The following BEST3 variants were observed in gnomAD, a reference collection of about 807,000 sequenced individuals.
The protein encoded by BEST3 is bestrophin 3.
Under a neutral mutation model 47.1 loss-of-function variants are expected in BEST3, and 50 were observed. That is an observed-to-expected ratio of 1.06 (90% CI 0.85 to 1.34). The LOEUF (loss-of-function observed/expected upper bound fraction) is 1.34. BEST3 is among the 40% of genes most tolerant of loss of function. BEST3 has a pLI of 0.00. For missense variants in BEST3, 765 were observed against 817.0 expected (o/e 0.94, Z 0.78); for synonymous variants, 282 against 298.8 (o/e 0.94, Z 0.58).
chr12:69,653,512 TA>T, downstream of BEST3: 2 of 567,020 alleles, frequency 3.5e-6, no homozygotes, highest in Non-Finnish European at 4.5e-6. Flanking sequence ...CTTACTTCTC[TA>T]AAGCCTGTTT....
Position 69,653,688 on chromosome 12 carries a change from T to C in BEST3, c.*1219A>G. The C allele has an allele frequency of 1.0e-6, 1 of 985,424 alleles. No individual in the cohort carries two copies. The highest frequency in any genetic ancestry group is 1.2e-6 in the Non-Finnish European group (1 of 829,944). 61.0% of individuals were successfully genotyped at this position (985,424 alleles called of 1,614,324 possible). A position where few individuals can be genotyped will look rare whatever the true frequency, so the allele number is the denominator to read the frequency against. On this transcript the variant is annotated 3_prime_UTR_variant, in exon 10 of 10. Coordinates refer to ENST00000330891, the MANE Select transcript of BEST3 (RefSeq NM_032735.3). ...TGACAAATGGTAAGTGCAGCAGTCG[T>C]AAGGCATGGCCTAGGCACTTGGGAG...
chr12:69,695,246 G>T (rs750971752), intron 2 of BEST3, among the ~76,000 whole-genome samples: 13 of 152,136 alleles, frequency 8.5e-5, no homozygotes, highest in Non-Finnish European at 1.8e-4. Flanking sequence ...CCAAACAGAT[G>T]AATTTGAATA....
Position 69,654,858 on chromosome 12 carries a change from G to T in BEST3, c.*49C>A. On this transcript the variant is annotated 3_prime_UTR_variant, in exon 10 of 10. Transcript: ENST00000330891. ...GTCCTGGGCCTAATATGCTGCTTTT[G>T]GGGAGGTAAGAATCTAGGCTAGAAC... 6.4e-7 allele frequency: 1 copy of T among 1,560,782 alleles called. No homozygotes were observed. The highest frequency in any genetic ancestry group is 8.7e-7 in the Non-Finnish European group (1 of 1,155,274).
chr12:69,693,283 G>T, intron 4 of BEST3, among the ~76,000 whole-genome samples: 1 of 134,622 alleles, frequency 7.4e-6, no homozygotes, highest in Non-Finnish European at 1.5e-5. Flanking sequence ...TTTTGAGACA[G>T]GTCTGGCTCT....
In BEST3 at chr12:69,693,678, T is replaced by G; in HGVS notation, c.477A>C (p.Glu159Asp). ...KRFPTMDHVV[E>D]AGFMTTDERK... ...AGGAAAAGCCATTCATAGTACCTGC[T>G]TCAACCACGTGGTCCATTGTGGGAA... Residue 159 changes from glutamate (E) to aspartate (D), a missense_variant, in exon 4 of 10, where the codon GAA (glutamate) becomes GAC (aspartate). Glu to Asp is a conservative substitution (Grantham distance 45). Coordinates refer to ENST00000330891, the MANE Select transcript of BEST3 (RefSeq NM_032735.3). 6.2e-7 allele frequency: 1 copy of G among 1,607,540 alleles called. No homozygotes were observed. Among genetic ancestry groups the G allele is most frequent in the East Asian group, 2.2e-5 (1 of 44,698 alleles).
At chr12:69,692,079 T>G (rs1177631348) in intron 4 of BEST3, among the ~76,000 whole-genome samples, 1 of 152,240 alleles carries the variant, frequency 6.6e-6, no homozygotes, top group East Asian at 1.9e-4. Context: ...ACTGGAGTTC[T>G]TTCTTCTCAA....
intron 9 of BEST3, chr12:69,660,279 C>T (rs1170487446): frequency 1.3e-5 from 2 of 152,144 alleles, no homozygotes; most frequent in African/African-American, 4.8e-5. Flanking sequence ...GAAGTGGTTT[C>T]CAAGTTATCA....
intron 4 of BEST3, among the ~76,000 whole-genome samples, chr12:69,690,057 G>A (rs769119795): frequency 6.6e-6 from 1 of 152,168 alleles, no homozygotes; most frequent in Non-Finnish European, 1.5e-5. Flanking sequence ...TTCCTAGGCC[G>A]TACATCCAAA....
Position 69,684,206 on chromosome 12 carries a change from T to C in BEST3, c.482-5313A>G, listed in dbSNP as rs185988428. ...GCCTACAGTTTCTCTTGCTATCGCT[T>C]TTTCTTCTGGCTGGCTCAGCTCTGC... On this transcript the variant is annotated intron_variant, in intron 4 of 9. Coordinates refer to ENST00000330891, the MANE Select transcript of BEST3 (RefSeq NM_032735.3). The C allele has an allele frequency of 7.9e-4, 161 of 202,780 alleles. 1 individual carries two copies. The highest frequency in any genetic ancestry group is 2.9e-3 in the African/African-American group (126 of 43,700). The allele number at this position is 202,780 out of a possible 1,614,324, so 12.6% of individuals were successfully genotyped here. A position where few individuals can be genotyped will look rare whatever the true frequency, so the allele number is the denominator to read the frequency against.
At chr12:69,675,100 T>A (rs1401358375) in intron 7 of BEST3, among the ~76,000 whole-genome samples, 1 of 151,512 alleles carries the variant, frequency 6.6e-6, no homozygotes, top group Non-Finnish European at 1.5e-5. Flanking sequence ...GATTGTGCCT[T>A]TTAATATTTT....
intron 5 of BEST3, 77 bp downstream of exon 5, chr12:69,678,662 C>T: frequency 7.1e-6 from 10 of 1,414,712 alleles, no homozygotes; most frequent in South Asian, 1.3e-5. Flanking sequence ...CTGACTCTTC[C>T]TGGTCTAACG....
chr12:69,689,909 T>TG (rs1251820590), intron 4 of BEST3, among the ~76,000 whole-genome samples: 1 of 152,180 alleles, frequency 6.6e-6, no homozygotes, highest in Non-Finnish European at 1.5e-5. Flanking sequence ...TTATCAGTAA[T>TG]GAGTTGGTGG....
chr12:69,654,586 A>C lies in BEST3; in HGVS notation c.*321T>G, dbSNP rs144016652. On this transcript the variant is annotated 3_prime_UTR_variant, in exon 10 of 10. Coordinates refer to ENST00000330891, the MANE Select transcript of BEST3 (RefSeq NM_032735.3). ...GACTATGATCTATGAGACTCTTTCCACAACTAATAATCTATGAATTTATAA... is the reference window on the plus strand; with the variant it reads ...GACTATGATCTATGAGACTCTTTCCCCAACTAATAATCTATGAATTTATAA... 1,080 of 1,052,734 alleles carry C rather than the reference A, an allele frequency of 1.0e-3. 7 individuals carry two copies. The African/African-American group carries it at 0.015, about 15-fold the overall frequency. 65.2% of individuals were successfully genotyped at this position (1,052,734 alleles called of 1,614,324 possible). A position where few individuals can be genotyped will look rare whatever the true frequency, so the allele number is the denominator to read the frequency against.
At chr12:69,684,615 G>T in intron 4 of BEST3, 1 of 667,970 alleles carries the variant, frequency 1.5e-6, no homozygotes, top group East Asian at 2.7e-5. Context: ...CTTTCTGAAA[G>T]AGAGAGTTGT....
At chr12:69,659,797 TACC>T (rs999230412) in intron 9 of BEST3, among the ~76,000 whole-genome samples, 15 of 152,288 alleles carry the variant, frequency 9.8e-5, no homozygotes, top group South Asian at 8.3e-4. Context: ...CTCAATATAA[TACC>T]ACTTAACCAA....
At chr12:69,669,638 T>G (rs1246094086) in intron 9 of BEST3, 1 of 152,244 alleles carries the variant, frequency 6.6e-6, no homozygotes, top group East Asian at 1.9e-4. Context: ...TAGGTGATAA[T>G]AATCATCATG....
chr12:69,654,357 A>G lies in BEST3; in HGVS notation c.*550T>C, dbSNP rs537823741. On this transcript the variant is annotated 3_prime_UTR_variant, in exon 10 of 10. Transcript: ENST00000330891. ...GTTCTGGTGCTGATGAAGCTTAAGA[A>G]TCAGGAAGTGATAATAACAATAATA... 1 of 985,258 alleles carries G rather than the reference A, an allele frequency of 1.0e-6. No individual in the cohort carries two copies. Among genetic ancestry groups the G allele is most frequent in the South Asian group, 4.7e-5 (1 of 21,270 alleles). 61.0% of individuals were successfully genotyped at this position (985,258 alleles called of 1,614,324 possible).
intron 9 of BEST3, chr12:69,660,742 A>G (rs972695962): frequency 3.3e-5 from 5 of 152,216 alleles, no homozygotes; most frequent in African/African-American, 1.2e-4. Context: ...GAGTAAAAGA[A>G]GGAGAAAGAG....
chr12:69,663,404 C>T (rs1740410182), intron 9 of BEST3, among the ~76,000 whole-genome samples: 1 of 152,178 alleles, frequency 6.6e-6, no homozygotes, highest in Non-Finnish European at 1.5e-5. Context: ...CTCATTATTA[C>T]ATTAGGGTTT....
Sources: gnomAD v4.1 joint callset for allele counts (sites outside exome capture counted in the v4.1 genomes callset) on GRCh38, gnomAD v4.1.1 for gene constraint, MANE v1.5 for transcripts, NCBI Gene and HGNC (gene_info 2026-07-23, HGNC 2026-07-21) for gene names.